Variants in ELP3 observed in about 807,000 individuals in gnomAD.
The protein encoded by ELP3 is elongator acetyltransferase complex subunit 3.
In ELP3, 56 loss-of-function variants were observed where a neutral mutation model predicts 74.9. The ratio of observed to expected loss-of-function variants is 0.75; its 90% confidence interval spans 0.60 to 0.93. ELP3 has a LOEUF of 0.93. ELP3 is among the 40% of genes least tolerant of loss of function. ELP3 has a pLI of 0.00. For missense variants in ELP3, 573 were observed against 686.5 expected, an observed-to-expected ratio of 0.83 and a Z score of 1.85; for synonymous variants, 222 against 239.8, an observed-to-expected ratio of 0.93 and a Z score of 0.68.
At chr8:28,153,296 T>A (rs1813708900) in intron 10 of ELP3, among the ~76,000 whole-genome samples, 1 of 152,250 alleles carries the variant, frequency 6.6e-6, no homozygotes, top group Admixed American at 6.5e-5. Flanking sequence ...TTTTTATGAT[T>A]GTAAATTATC....
At chr8:28,186,433 C>T (rs1038168042) in intron 14 of ELP3, among the ~76,000 whole-genome samples, 4 of 152,240 alleles carry the variant, frequency 2.6e-5, no homozygotes, top group Non-Finnish European at 4.4e-5. Context: ...AGCCAGGTGG[C>T]TCTGCCTTCT....
At chr8:28,114,647 CACCTCCA>C (rs1812053139) in intron 7 of ELP3, among the ~76,000 whole-genome samples, 1 of 152,176 alleles carries the variant, frequency 6.6e-6, no homozygotes, top group African/African-American at 2.4e-5. Flanking sequence ...CACCAGGCCA[CACCTCCA>C]ATATTGGGGA....
chr8:28,132,549 A>ATGTCTCTTACCCTACT, intron 9 of ELP3, 145 bp downstream of exon 9: 2 of 1,067,924 alleles, frequency 1.9e-6, no homozygotes, highest in Non-Finnish European at 2.7e-6. Context: ...CAGTAGGGTA[A>ATGTCTCTTACCCTACT]GAGACATCAC....
At chr8:28,160,566 AAG>A (rs1814036824) in intron 13 of ELP3, 110 bp downstream of exon 13, 2 of 913,696 alleles carry the variant, frequency 2.2e-6, no homozygotes, top group South Asian at 3.5e-5. Flanking sequence ...GGAGAGGGGA[AAG>A]AGAAGCATAG....
chr8:28,177,431 G>T (rs1814804027), intron 14 of ELP3, among the ~76,000 whole-genome samples: 1 of 152,224 alleles, frequency 6.6e-6, no homozygotes, highest in African/African-American at 2.4e-5. Context: ...TGAAACTAAT[G>T]AATATATTTC....
intron 13 of ELP3, among the ~76,000 whole-genome samples, chr8:28,160,802 C>G (rs568631412): frequency 1.0e-3 from 155 of 152,142 alleles, no homozygotes; most frequent in African/African-American, 3.5e-3. Flanking sequence ...TCAAGTGATT[C>G]TCCTGCCTCA....
chr8:28,099,075 G>C (rs1352905378), intron 2 of ELP3, among the ~76,000 whole-genome samples: 1 of 152,214 alleles, frequency 6.6e-6, no homozygotes, highest in Admixed American at 6.5e-5. Context: ...CCTCTTGTAC[G>C]TGTTAGGTCC....
At chr8:28,111,813 C>A (rs548016853) in intron 6 of ELP3, among the ~76,000 whole-genome samples, 1 of 152,330 alleles carries the variant, frequency 6.6e-6, no homozygotes, top group African/African-American at 2.4e-5. Flanking sequence ...TGAGTAACTT[C>A]TCCAAAACGT....
In ELP3 at chr8:28,147,370, A is replaced by C. The variant is rs2130511694; in HGVS notation, c.1101-8572A>C. 6.6e-6 allele frequency among the ~76,000 whole-genome samples: 1 copy of C among 152,338 alleles called. No homozygotes were observed. The highest frequency in any genetic ancestry group is 2.1e-4 in the South Asian group (1 of 4,830). On this transcript the variant is annotated intron_variant, in intron 10 of 14. Coordinates refer to ENST00000256398, the MANE Select transcript of ELP3 (RefSeq NM_018091.6). The surrounding 1 kb of genome is among the most constrained non-coding windows in gnomAD (Gnocchi z 4.5). ...GCAGAGGTAAGGAGAGGGAGTGCAG[A>C]GATGGCAACTGCAGTTGTTGGGAGA...
At chr8:28,167,643 G>A (rs570908179) in intron 14 of ELP3, among the ~76,000 whole-genome samples, 1 of 152,282 alleles carries the variant, frequency 6.6e-6, no homozygotes, top group Admixed American at 6.5e-5. Context: ...AGACCAGTTT[G>A]TGGCACCTAC....
chr8:28,104,394 T>C (rs1312165324), intron 3 of ELP3, among the ~76,000 whole-genome samples: 2 of 152,238 alleles, frequency 1.3e-5, no homozygotes, highest in African/African-American at 4.8e-5. Flanking sequence ...GTTTGTGTTC[T>C]TGAAACACCA....
intron 6 of ELP3, chr8:28,110,653 G>A (rs747890660): frequency 4.6e-6 from 2 of 433,230 alleles, no homozygotes; most frequent in Non-Finnish European, 8.1e-6. Flanking sequence ...TTGTTTAAGG[G>A]TTTTATATTC....
intron 1 of ELP3, among the ~76,000 whole-genome samples, chr8:28,095,103 G>C (rs762887649): frequency 6.6e-6 from 1 of 152,182 alleles, no homozygotes; most frequent in African/African-American, 2.4e-5. Context: ...TAGTTAGGCT[G>C]TGCTGTTTCA....
intron 7 of ELP3, among the ~76,000 whole-genome samples, chr8:28,117,036 A>G (rs1430589850): frequency 6.6e-6 from 1 of 152,148 alleles, no homozygotes; most frequent in Non-Finnish European, 1.5e-5. Context: ...TTTCTCTGCA[A>G]GCTTATATAC....
intron 10 of ELP3, among the ~76,000 whole-genome samples, chr8:28,152,774 C>T (rs1343549822): frequency 6.6e-6 from 1 of 152,170 alleles, no homozygotes. Flanking sequence ...CCACTGCACT[C>T]CAGCCTGGGT....
At chr8:28,189,466 T>C (rs1203891353) in intron 14 of ELP3, among the ~76,000 whole-genome samples, 183 bp from the exon 15 acceptor site, 1 of 152,184 alleles carries the variant, frequency 6.6e-6, no homozygotes, top group Non-Finnish European at 1.5e-5. Flanking sequence ...CACTTAGCAG[T>C]TTCTATATTT....
At chr8:28,108,046 T>C in intron 5 of ELP3, 70 bp downstream of exon 5, 1 of 1,322,976 alleles carries the variant, frequency 7.6e-7, no homozygotes, top group Non-Finnish European at 1.1e-6. Context: ...GTTTTACCAG[T>C]ACTGGCTTTC....
rs144555248 is a variant in ELP3, at chr8:28,160,431, G to A, written c.1460G>A (p.Arg487Gln). 6 of 1,613,720 alleles carry A rather than the reference G, an allele frequency of 3.7e-6. No homozygotes were observed. The highest frequency in any genetic ancestry group is 1.7e-5 in the Admixed American group (1 of 59,974). The change falls in exon 13 of 15, where the codon CGG becomes CAG. Residue 487 changes from arginine to glutamine, a missense_variant. Coordinates refer to ENST00000256398, the MANE Select transcript of ELP3 (RefSeq NM_018091.6). ...VYGSVVPVSS[R>Q]DPTKFQHQGF... ...GGGAGTGTGGTCCCTGTGAGCAGCCGGGATCCTACTAAATTTCAGCATCAG... is the reference window on the plus strand; with the variant it reads ...GGGAGTGTGGTCCCTGTGAGCAGCCAGGATCCTACTAAATTTCAGCATCAG...
Position 28,099,858 on chromosome 8 carries a change from C to T in ELP3, c.150C>T (p.Gly50=). The part of the protein sequence containing the change: ...KVKTKTAAKY[G]LSAQPRLVDI... ...AAACCAAGACAGCTGCCAAATATGGCCTTTCTGCCCAGCCCCGCCTGGTGG... is the reference window on the plus strand; with the variant it reads ...AAACCAAGACAGCTGCCAAATATGGTCTTTCTGCCCAGCCCCGCCTGGTGG... Residue 50 remains glycine (G), a synonymous_variant, in exon 3 of 15, where the codon GGC becomes GGT. Coordinates refer to ENST00000256398, the MANE Select transcript of ELP3 (RefSeq NM_018091.6). 1 of 1,614,156 alleles carries T rather than the reference C, an allele frequency of 6.2e-7. No homozygotes were observed. Among genetic ancestry groups the T allele is most frequent in the Non-Finnish European group, 8.5e-7 (1 of 1,180,032 alleles).
Sources: gnomAD v4.1 joint callset for allele counts (sites outside exome capture counted in the v4.1 genomes callset) on GRCh38, gnomAD v4.1.1 for gene constraint, Gnocchi (gnomAD v3.1) non-coding constraint, MANE v1.5 for transcripts, NCBI Gene and HGNC (gene_info 2026-07-23, HGNC 2026-07-21) for gene names.